Variants in PBX1 observed in about 807,000 individuals in gnomAD.
PBX1 encodes the protein pre-B-cell leukemia transcription factor 1.
A neutral mutation model predicts 53.4 loss-of-function variants in PBX1; 6 were observed. The ratio of observed to expected loss-of-function variants is 0.11; its 90% CI spans 0.06 to 0.22. PBX1 has a LOEUF of 0.22. Among genes scored for constraint, PBX1 ranks in the 10% least tolerant of loss-of-function variants. The pLI is 1.00. For synonymous variants in PBX1, 204 were observed against 212.3 expected (o/e 0.96, Z 0.34); for missense variants, 251 against 551.4 (o/e 0.46, Z 5.46).
intron 2 of PBX1, among the ~76,000 whole-genome samples, chr1:164,767,454 G>A (rs921734973): frequency 1.3e-5 from 2 of 152,112 alleles, no homozygotes; most frequent in South Asian, 2.1e-4. Context: ...ATACATGTGC[G>A]GGGCCCGGAG....
chr1:164,585,241 T>C (rs1384904531), intron 2 of PBX1, among the ~76,000 whole-genome samples: 1 of 152,188 alleles, frequency 6.6e-6, no homozygotes. Flanking sequence ...TACCCACCTT[T>C]TTCCATTCCC....
At chr1:164,813,809 C>T (rs1012495308) in intron 6 of PBX1, 1 of 152,092 alleles carries the variant, frequency 6.6e-6, no homozygotes, top group African/African-American at 2.4e-5. Context: ...TTCCTAAAGC[C>T]CTTAAAAGAG....
At chr1:164,768,312 T>C (rs7521521) in intron 2 of PBX1, among the ~76,000 whole-genome samples, 74,224 of 151,976 alleles carry the variant, frequency 0.49, 20,061 homozygotes, top group Non-Finnish European at 0.62. Context: ...TCCAAGCTTG[T>C]ATTCTTCCCA....
chr1:164,820,211 G>C, intron 7 of PBX1, 27 bp downstream of exon 7: 12 of 1,256,172 alleles, frequency 9.6e-6, no homozygotes, highest in African/African-American at 1.5e-5. Context: ...TATGTCACCA[G>C]GTGAATGCCT....
intron 2 of PBX1, among the ~76,000 whole-genome samples, chr1:164,774,903 A>G (rs1667567948): frequency 6.6e-6 from 1 of 152,172 alleles, no homozygotes; most frequent in Non-Finnish European, 1.5e-5. Context: ...GCTTGATTAC[A>G]CTTCACGGCT....
Position 164,799,783 on chromosome 1 carries a change from C to T in PBX1, c.595C>T (p.Arg199Trp), listed in dbSNP as rs771675680. The T allele has an allele frequency of 3.1e-6, 5 of 1,613,962 alleles. No individual in the cohort carries two copies. The highest frequency in any genetic ancestry group is 2.7e-5 in the African/African-American group (2 of 74,914). The change falls in exon 4 of 9, where the codon CGG becomes TGG. Residue 199 changes from arginine to tryptophan, a missense_variant. Around this residue, in one of 4 missense-constraint regions of PBX1, gnomAD observed 76 missense variants for 197.5 expected, o/e 0.38. Coordinates refer to ENST00000420696, the MANE Select transcript of PBX1 (RefSeq NM_002585.4). ...TRPISPKEIE[R>W]MVSIIHRKFS... ...GCCCATCTCCCCAAAGGAGATTGAG[C>T]GGATGGTCAGCATCATCCACCGCAA...
intron 2 of PBX1, among the ~76,000 whole-genome samples, chr1:164,629,099 C>T (rs567332019): frequency 6.6e-6 from 1 of 152,220 alleles, no homozygotes; most frequent in Non-Finnish European, 1.5e-5. Context: ...TCATCTGTGA[C>T]ACTGTTTTCT....
intron 2 of PBX1, among the ~76,000 whole-genome samples, chr1:164,668,561 G>A (rs553695309): frequency 1.3e-5 from 2 of 152,190 alleles, no homozygotes; most frequent in East Asian, 1.9e-4. Context: ...GGGAGCCTCC[G>A]AGCCCTGCCA....
intron 2 of PBX1, among the ~76,000 whole-genome samples, chr1:164,627,345 T>C (rs1370507880): frequency 6.6e-6 from 1 of 152,210 alleles, no homozygotes; most frequent in Non-Finnish European, 1.5e-5. Context: ...ACTTCCATTA[T>C]TATAAATGCT....
intron 2 of PBX1, among the ~76,000 whole-genome samples, chr1:164,687,327 T>C (rs537044112): frequency 6.6e-6 from 1 of 152,174 alleles, no homozygotes; most frequent in African/African-American, 2.4e-5. Flanking sequence ...TTTGGGAGGC[T>C]GAGCCAGGAG....
At chr1:164,736,080 C>T (rs1260052872) in intron 2 of PBX1, among the ~76,000 whole-genome samples, 2 of 152,178 alleles carry the variant, frequency 1.3e-5, no homozygotes, top group African/African-American at 4.8e-5. Context: ...TGAGGCCATC[C>T]TGGTTGCACT....
chr1:164,669,443 G>A (rs1374919082), intron 2 of PBX1, among the ~76,000 whole-genome samples: 1 of 152,160 alleles, frequency 6.6e-6, no homozygotes, highest in African/African-American at 2.4e-5. Flanking sequence ...ACATGGGGTG[G>A]GGGCACATTC....
chr1:164,770,538 G>A (rs758384607), intron 2 of PBX1: 6 of 152,138 alleles, frequency 3.9e-5, no homozygotes, highest in Non-Finnish European at 7.3e-5. Context: ...GTATCTATGG[G>A]GGTCCATCAT....
intron 4 of PBX1, among the ~76,000 whole-genome samples, chr1:164,802,927 G>A (rs1027014479): frequency 2.6e-5 from 4 of 151,460 alleles, no homozygotes; most frequent in Admixed American, 6.6e-5. Context: ...AATGATTTTC[G>A]AGCATTAATC....
chr1:164,715,319 G>A (rs1041377512), intron 2 of PBX1, among the ~76,000 whole-genome samples: 2 of 152,106 alleles, frequency 1.3e-5, no homozygotes, highest in Non-Finnish European at 1.5e-5. Flanking sequence ...AAGACCTTTC[G>A]GTACTGCAGA....
At chr1:164,614,775 C>A (rs1657156213) in intron 2 of PBX1, among the ~76,000 whole-genome samples, 1 of 152,042 alleles carries the variant, frequency 6.6e-6, no homozygotes, top group Admixed American at 6.6e-5. Context: ...CAGTTGAATT[C>A]TTTTTTTCTT....
intron 2 of PBX1, among the ~76,000 whole-genome samples, chr1:164,652,620 C>T (rs988159966): frequency 2.6e-5 from 4 of 152,050 alleles, no homozygotes; most frequent in Admixed American, 6.5e-5. Context: ...TCCCTTATAC[C>T]ACTAAACTTC....
chr1:164,807,338 G>T (rs989646703), intron 4 of PBX1, among the ~76,000 whole-genome samples: 51 of 152,190 alleles, frequency 3.4e-4, no homozygotes, highest in African/African-American at 1.2e-3. Flanking sequence ...CCACTCTTCT[G>T]TTCGGTGCCC....
At chr1:164,810,957 C>G (rs574687021) in intron 5 of PBX1, among the ~76,000 whole-genome samples, 1 of 151,982 alleles carries the variant, frequency 6.6e-6, no homozygotes, top group Non-Finnish European at 1.5e-5. Flanking sequence ...TTTGTTAATG[C>G]GTTTAAAAAA....
Sources: gnomAD v4.1 joint callset for allele counts (sites outside exome capture counted in the v4.1 genomes callset) on GRCh38, gnomAD v4.1.1 for gene constraint, gnomAD v4.1.1 regional missense constraint, MANE v1.5 for transcripts, NCBI Gene and HGNC (gene_info 2026-07-23, HGNC 2026-07-21) for gene names.